GRIK2: variants seen among roughly 807,000 people sequenced by gnomAD.
The protein encoded by GRIK2 is glutamate receptor ionotropic, kainate 2.
GRIK2 carries 32 observed loss-of-function variants against 100.3 expected under a neutral mutation model. The observed-to-expected ratio is 0.32, with a 90% CI of 0.24 to 0.43. The LOEUF is 0.43. GRIK2 is among the 20% of genes least tolerant of loss of function. GRIK2 has a pLI of 1.00. For synonymous variants in GRIK2, 417 were observed against 389.4 expected (o/e 1.07, Z -0.83); for missense variants, 843 against 1,114.9 (o/e 0.76, Z 3.47).
chr6:101,414,421 A>C (rs1352137547), intron 2 of GRIK2, among the ~76,000 whole-genome samples: 2 of 152,178 alleles, frequency 1.3e-5, no homozygotes, highest in African/African-American at 4.8e-5. Context: ...AAACTAGTCC[A>C]AATTATTTTA....
intron 2 of GRIK2, among the ~76,000 whole-genome samples, chr6:101,441,747 A>G (rs1770076716): frequency 6.6e-6 from 1 of 152,130 alleles, no homozygotes. Context: ...AATCAGCATA[A>G]CACCCGATAG....
chr6:101,443,882 ATTTTATT>A (rs1448103887), intron 2 of GRIK2, among the ~76,000 whole-genome samples: 1 of 151,192 alleles, frequency 6.6e-6, no homozygotes, highest in Non-Finnish European at 1.5e-5. Context: ...AATTTATTTT[ATTTTATT>A]TTTTATTTTT....
chr6:101,961,906 A>G (rs6928180), intron 14 of GRIK2, among the ~76,000 whole-genome samples: 7,359 of 152,124 alleles, frequency 0.048, 367 homozygotes, highest in African/African-American at 0.12. Context: ...GATCCACAAT[A>G]TGTGCCCAAC....
intron 14 of GRIK2, among the ~76,000 whole-genome samples, chr6:102,031,068 T>G (rs1413176293): frequency 7.3e-6 from 1 of 137,334 alleles, no homozygotes; most frequent in African/African-American, 2.8e-5. Context: ...TTACCAAGTA[T>G]TATGCATTAC....
chr6:101,396,242 T>TC (rs112605796), intron 1 of GRIK2, among the ~76,000 whole-genome samples: 14,431 of 131,716 alleles, frequency 0.11, 815 homozygotes, highest in South Asian at 0.15. Context: ...AATTTAGCAT[T>TC]CCCCCCCCCC....
Position 101,784,409 on chromosome 6 carries a change from C to T in GRIK2, c.952-15239C>T, listed in dbSNP as rs547486457. Among the ~76,000 whole-genome samples the T allele has an allele frequency of 6.6e-5, 10 of 152,322 alleles. No individual in the cohort carries two copies. In the South Asian group the frequency reaches 1.7e-3, roughly 25 times the overall value. The stretch of plus-strand genomic sequence containing the variant: ...GCTTATGATTTTACAGGCTTATTGG[C>T]GGAAGGGACTTGCCTTGTCTCAGAG... On this transcript the variant is annotated intron_variant, in intron 7 of 16. Coordinates refer to ENST00000369134, the MANE Select transcript of GRIK2 (RefSeq NM_021956.5).
intron 15 of GRIK2, among the ~76,000 whole-genome samples, chr6:102,044,334 T>G (rs180792241): frequency 2.7e-4 from 41 of 152,136 alleles, no homozygotes; most frequent in African/African-American, 9.1e-4. Context: ...AACAATGTCA[T>G]GCAATCCCTT....
chr6:101,857,590 G>C (rs930231324), intron 10 of GRIK2, among the ~76,000 whole-genome samples: 3 of 152,162 alleles, frequency 2.0e-5, no homozygotes, highest in African/African-American at 7.2e-5. Context: ...ACATTCCTAG[G>C]TGGACTGGCA....
intron 7 of GRIK2, among the ~76,000 whole-genome samples, chr6:101,738,173 A>T (rs1016859026): frequency 7.1e-6 from 1 of 140,328 alleles, no homozygotes; most frequent in Non-Finnish European, 1.5e-5. Flanking sequence ...GTAATTGACA[A>T]TTGTCAAATG....
At chr6:101,820,593 G>A (rs1305678350) in intron 10 of GRIK2, among the ~76,000 whole-genome samples, 5 of 152,072 alleles carry the variant, frequency 3.3e-5, no homozygotes, top group East Asian at 1.9e-4. Context: ...CTACAGGCGC[G>A]CTACCACTCC....
intron 7 of GRIK2, among the ~76,000 whole-genome samples, chr6:101,708,243 G>A (rs1260678093): frequency 6.6e-6 from 1 of 151,432 alleles, no homozygotes; most frequent in African/African-American, 2.4e-5. Flanking sequence ...CTCAACTTGA[G>A]ATACAGAATG....
intron 16 of GRIK2, among the ~76,000 whole-genome samples, chr6:102,063,390 T>C (rs1020569140): frequency 6.6e-6 from 1 of 150,846 alleles, no homozygotes; most frequent in Non-Finnish European, 1.5e-5. Context: ...TCTTGACCAA[T>C]GAATACATAT....
At chr6:101,473,549 C>A (rs1358115480) in intron 2 of GRIK2, among the ~76,000 whole-genome samples, 1 of 151,588 alleles carries the variant, frequency 6.6e-6, no homozygotes, top group African/African-American at 2.4e-5. Context: ...ATATTTTTTC[C>A]AACAACTAAA....
chr6:102,056,970 C>T (rs1030437966), intron 16 of GRIK2, among the ~76,000 whole-genome samples: 2 of 151,926 alleles, frequency 1.3e-5, no homozygotes, highest in Non-Finnish European at 2.9e-5. Flanking sequence ...GCTTGCTTGG[C>T]TAACTCAAAT....
At chr6:101,422,583 C>G (rs774989303) in intron 2 of GRIK2, among the ~76,000 whole-genome samples, 3 of 151,446 alleles carry the variant, frequency 2.0e-5, no homozygotes, top group Non-Finnish European at 4.4e-5. Context: ...AGAAAAACTT[C>G]AAGTTTAAAA....
intron 11 of GRIK2, among the ~76,000 whole-genome samples, chr6:101,861,717 AC>A (rs1784744160): frequency 6.6e-6 from 1 of 152,178 alleles, no homozygotes; most frequent in Admixed American, 6.5e-5. Flanking sequence ...ACATTTTTGG[AC>A]CTTCTTATAC....
intron 4 of GRIK2, among the ~76,000 whole-genome samples, chr6:101,674,294 G>C (rs1233919601): frequency 1.3e-5 from 2 of 152,258 alleles, no homozygotes; most frequent in South Asian, 2.1e-4. Flanking sequence ...ACCCTCTGAA[G>C]ATTCTAAATT....
chr6:101,667,823 T>C lies in GRIK2; in HGVS notation c.542-8800T>C, dbSNP rs145375019. ...GGATAACCATTATATAATCCCACCA[T>C]GCCTATCCCACCACCTGGGTCAGAT... On this transcript the variant is annotated intron_variant, in intron 4 of 16. Coordinates refer to ENST00000369134, the MANE Select transcript of GRIK2 (RefSeq NM_021956.5). Among the ~76,000 whole-genome samples, 53 of 152,276 alleles carry C rather than the reference T, an allele frequency of 3.5e-4. No individual in the cohort carries two copies. In the Middle Eastern group the frequency reaches 0.014, roughly 39 times the overall value.
chr6:101,560,188 C>T (rs541188867), intron 2 of GRIK2, among the ~76,000 whole-genome samples: 3 of 152,216 alleles, frequency 2.0e-5, no homozygotes, highest in East Asian at 1.9e-4. Context: ...CTCCATCAGA[C>T]GAGTGTCAAG....
Sources: gnomAD v4.1 joint callset for allele counts (sites outside exome capture counted in the v4.1 genomes callset) on GRCh38, gnomAD v4.1.1 for gene constraint, MANE v1.5 for transcripts, NCBI Gene and HGNC (gene_info 2026-07-23, HGNC 2026-07-21) for gene names.